The following FSHB variants were observed in gnomAD, a reference collection of about 807,000 sequenced individuals.
The protein encoded by FSHB is follicle stimulating hormone subunit beta.
Under a neutral mutation model 12.1 loss-of-function variants are expected in FSHB, and 8 were observed. The observed-to-expected ratio is 0.66, with a 90% CI of 0.39 to 1.19. The LOEUF (loss-of-function observed/expected upper bound fraction) is 1.19, where lower values mean the gene tolerates loss of function less well. Among genes scored for constraint, FSHB ranks in the 50% most tolerant of loss-of-function variants. FSHB has a pLI of 0.01. For missense variants in FSHB, 153 were observed against 157.2 expected, an observed-to-expected ratio of 0.97 and a Z score of 0.14; for synonymous variants, 55 against 54.6, an observed-to-expected ratio of 1.01 and a Z score of -0.04.
In FSHB at chr11:30,231,948, A is replaced by G; in HGVS notation, c.46A>G (p.Ile16Val). The change falls in exon 2 of 3, where the codon ATC becomes GTC. Residue 16 changes from isoleucine to valine, a missense_variant. Physicochemically the swap from Ile to Val is conservative, Grantham distance 29. Transcript: ENST00000533718. ...CTTCCTTTTCTGTTGCTGGAAAGCA[A>G]TCTGCTGCAATAGCTGTGAGCTGAC... ...FFFLFCCWKA[I>V]CCNSCELTNI... The G allele has an allele frequency of 6.2e-7, 1 of 1,613,942 alleles. No individual in the cohort carries two copies. Among genetic ancestry groups the G allele is most frequent in the African/African-American group, 1.3e-5 (1 of 75,028 alleles).
rs1405003349 is a variant in FSHB, at chr11:30,233,662, T to C, written c.252T>C (p.Cys84=). 1 of 1,614,054 alleles carries C rather than the reference T, an allele frequency of 6.2e-7. No individual in the cohort carries two copies. Among genetic ancestry groups the C allele is most frequent in the Non-Finnish European group, 8.5e-7 (1 of 1,179,966 alleles). Residue 84 remains cysteine, a synonymous_variant, in exon 3 of 3, where the codon TGT becomes TGC. Transcript: ENST00000533718. Reference sequence around the variant, plus strand: ...ACGAAACAGTGAGAGTGCCCGGCTGTGCTCACCATGCAGATTCCTTGTATA... The same window carrying C: ...ACGAAACAGTGAGAGTGCCCGGCTGCGCTCACCATGCAGATTCCTTGTATA... The part of the protein sequence containing the change: ...LVYETVRVPG[C]AHHADSLYTY...
chr11:30,231,867 T>C lies in FSHB; in HGVS notation c.-36T>C. On this transcript the variant is annotated splice_region_variant and 5_prime_UTR_variant, in exon 2 of 3. Transcript: ENST00000533718. ...GATTATCGTTCTTTGGTTTCTCAGTTTCTAGTGGGCTTCATTGTTTGCTTC... is the reference window on the plus strand; with the variant it reads ...GATTATCGTTCTTTGGTTTCTCAGTCTCTAGTGGGCTTCATTGTTTGCTTC... 1 of 1,612,562 alleles carries C rather than the reference T, an allele frequency of 6.2e-7. No individual in the cohort carries two copies. Among genetic ancestry groups the C allele is most frequent in the Non-Finnish European group, 8.5e-7 (1 of 1,178,798 alleles).
Position 30,234,993 on chromosome 11 carries a change from T to G in FSHB, c.*1193T>G, listed in dbSNP as rs769262752. ...CAGTTTCACACTCATATTGTTTAACTAATTTATTTAAATCTTATTTTTTTA... is the reference window on the plus strand; with the variant it reads ...CAGTTTCACACTCATATTGTTTAACGAATTTATTTAAATCTTATTTTTTTA... On this transcript the variant is annotated 3_prime_UTR_variant, in exon 3 of 3. Transcript: ENST00000533718. 1.2e-4 allele frequency: 18 copies of G among 152,210 alleles called. No individual in the cohort carries two copies. The highest frequency in any genetic ancestry group is 1.8e-4 in the Non-Finnish European group (12 of 68,030). The allele number at this position is 152,210 out of a possible 1,614,324, so 9.4% of individuals were successfully genotyped here.
chr11:30,232,869 C>T (rs1007907783), intron 2 of FSHB, among the ~76,000 whole-genome samples: 16 of 152,208 alleles, frequency 1.1e-4, no homozygotes, highest in African/African-American at 3.1e-4. Flanking sequence ...ATTTATTGCA[C>T]CTTCTTGGGA....
chr11:30,231,789 G>A, intron 1 of FSHB, 77 bp from the exon 2 acceptor site: 1 of 1,137,296 alleles, frequency 8.8e-7, no homozygotes, highest in Non-Finnish European at 1.3e-6. Flanking sequence ...AGCAAAATGT[G>A]ATTGAGGAGG....
Position 30,234,113 on chromosome 11 carries a change from G to T in FSHB, c.*313G>T. ...TCAGGCAATGCCTCTCTCTTAGGGG[G>T]AAACATAAGCCTAGAAGGAGGAAGC... On this transcript the variant is annotated 3_prime_UTR_variant, in exon 3 of 3. Coordinates refer to ENST00000533718, the MANE Select transcript of FSHB (RefSeq NM_001382289.1). 1 of 365,266 alleles carries T rather than the reference G, an allele frequency of 2.7e-6. No individual in the cohort carries two copies. Among genetic ancestry groups the T allele is most frequent in the South Asian group, 2.3e-5 (1 of 43,556 alleles). 22.6% of individuals were successfully genotyped at this position (365,266 alleles called of 1,614,324 possible). A position where few individuals can be genotyped will look rare whatever the true frequency, so the allele number is the denominator to read the frequency against.
intron 2 of FSHB, among the ~76,000 whole-genome samples, chr11:30,232,679 T>A (rs1259630168): frequency 6.6e-6 from 1 of 152,244 alleles, no homozygotes; most frequent in Non-Finnish European, 1.5e-5. Context: ...GTTTGCAGTT[T>A]CCTTGCATTA....
chr11:30,233,584 G>T lies in FSHB; in HGVS notation c.174G>T (p.Lys58Asn). 6.2e-7 allele frequency: 1 copy of T among 1,613,784 alleles called. No homozygotes were observed. Among genetic ancestry groups the T allele is most frequent in the African/African-American group, 1.3e-5 (1 of 75,010 alleles). Residue 58 changes from lysine (K) to asparagine (N), a missense_variant, in exon 3 of 3, where the codon AAG becomes AAT. Transcript: ENST00000533718. ...AAACTCCTCAGGATCTGGTGTATAA[G>T]GACCCAGCCAGGCCCAAAATCCAGA... The part of the protein sequence containing the change: ...GYCYTRDLVY[K>N]DPARPKIQKT...
In FSHB at chr11:30,233,646, T is replaced by C. The variant is rs1171563230; in HGVS notation, c.236T>C (p.Val79Ala). The change falls in exon 3 of 3, where the codon GTG (valine) becomes GCG (alanine). Residue 79 changes from valine (V) to alanine (A), a missense_variant. Physicochemically the swap from Val to Ala is moderately conservative, Grantham distance 64. Transcript: ENST00000533718. ...CTFKELVYET[V>A]RVPGCAHHAD... ...TTCAAGGAACTGGTATACGAAACAGTGAGAGTGCCCGGCTGTGCTCACCAT... is the reference window on the plus strand; with the variant it reads ...TTCAAGGAACTGGTATACGAAACAGCGAGAGTGCCCGGCTGTGCTCACCAT... The C allele has an allele frequency of 3.1e-6, 5 of 1,613,818 alleles. No homozygotes were observed. The highest frequency in any genetic ancestry group is 2.7e-5 in the African/African-American group (2 of 75,014).
Position 30,231,767 on chromosome 11 carries a change from A to G in FSHB, c.-37-99A>G, listed in dbSNP as rs898504883. The G allele has an allele frequency of 5.3e-6, 5 of 937,194 alleles. No homozygotes were observed. The Admixed American group carries it at 7.9e-5, about 15-fold the overall frequency. 58.1% of individuals were successfully genotyped at this position (937,194 alleles called of 1,614,324 possible). ...AAGTAAAAAGGCATAAGGAAGGAAAAAAAACTTTTGAAGCAAAATGTGATT... is the reference window on the plus strand; with the variant it reads ...AAGTAAAAAGGCATAAGGAAGGAAAGAAAACTTTTGAAGCAAAATGTGATT... On this transcript the variant is annotated intron_variant, in intron 1 of 2. Coordinates refer to ENST00000533718, the MANE Select transcript of FSHB (RefSeq NM_001382289.1).
In FSHB at chr11:30,233,128, A is replaced by T. The variant is rs530638195; in HGVS notation, c.160-442A>T. On this transcript the variant is annotated intron_variant, in intron 2 of 2. Transcript: ENST00000533718. Reference sequence around the variant, plus strand: ...TAGCCTTAGCAAACATGTTAACTTAAGCATTAAAATTTAAAATTATATATT... The same window carrying T: ...TAGCCTTAGCAAACATGTTAACTTATGCATTAAAATTTAAAATTATATATT... 6.6e-5 allele frequency among the ~76,000 whole-genome samples: 10 copies of T among 152,302 alleles called. No individual in the cohort carries two copies. In the East Asian group the frequency reaches 1.7e-3, roughly 26 times the overall value.
intron 1 of FSHB, among the ~76,000 whole-genome samples, chr11:30,231,362 C>T (rs1337097250): frequency 1.3e-5 from 2 of 152,128 alleles, no homozygotes; most frequent in East Asian, 3.9e-4. Flanking sequence ...GGAATGGTGG[C>T]TCATGCTTGT....
At position 30,233,688 on chromosome 11, in the gene FSHB, C is replaced by T; in HGVS notation, c.278C>T (p.Thr93Ile). 9 of 1,614,028 alleles carry T rather than the reference C, an allele frequency of 5.6e-6. No individual in the cohort carries two copies. The highest frequency in any genetic ancestry group is 7.6e-6 in the Non-Finnish European group (9 of 1,179,930). The change falls in exon 3 of 3, where the codon ACA becomes ATA. Residue 93 changes from threonine (T) to isoleucine (I), a missense_variant. Physicochemically the swap from Thr to Ile is moderately conservative, Grantham distance 89. Coordinates refer to ENST00000533718, the MANE Select transcript of FSHB (RefSeq NM_001382289.1). Reference sequence around the variant, plus strand: ...GCTCACCATGCAGATTCCTTGTATACATACCCAGTGGCCACCCAGTGTCAC... The same window carrying T: ...GCTCACCATGCAGATTCCTTGTATATATACCCAGTGGCCACCCAGTGTCAC... ...GCAHHADSLYTYPVATQCHCG... is the reference protein window; with the variant it reads ...GCAHHADSLYIYPVATQCHCG...
intron 2 of FSHB, among the ~76,000 whole-genome samples, chr11:30,233,239 A>C (rs1369307462): frequency 6.6e-6 from 1 of 152,180 alleles, no homozygotes; most frequent in South Asian, 2.1e-4. Context: ...GTTTGTTATT[A>C]ATACAGCTTT....
intron 1 of FSHB, 50 bp from the exon 2 acceptor site, chr11:30,231,816 T>C: frequency 1.4e-6 from 2 of 1,456,112 alleles, no homozygotes; most frequent in Non-Finnish European, 1.9e-6. Flanking sequence ...AGACCAATTA[T>C]TTTTGGTTTG....
rs34365964 is a variant in FSHB at position 30,233,722 on chromosome 11, G to T, written c.312G>T (p.Lys104Asn). 1 of 1,614,072 alleles carries T rather than the reference G, an allele frequency of 6.2e-7. No individual in the cohort carries two copies. Among genetic ancestry groups the T allele is most frequent in the Non-Finnish European group, 8.5e-7 (1 of 1,179,952 alleles). ...TGGCCACCCAGTGTCACTGTGGCAAGTGTGACAGCGACAGCACTGATTGTA... is the reference window on the plus strand; with the variant it reads ...TGGCCACCCAGTGTCACTGTGGCAATTGTGACAGCGACAGCACTGATTGTA... ...YPVATQCHCG[K>N]CDSDSTDCTV... Residue 104 changes from lysine to asparagine, a missense_variant, in exon 3 of 3, where the codon AAG becomes AAT. Coordinates refer to ENST00000533718, the MANE Select transcript of FSHB (RefSeq NM_001382289.1).
chr11:30,231,880 C>T lies in FSHB; in HGVS notation c.-23C>T. 1.2e-6 allele frequency: 2 copies of T among 1,613,564 alleles called. No individual in the cohort carries two copies. Among genetic ancestry groups the T allele is most frequent in the Non-Finnish European group, 1.7e-6 (2 of 1,179,622 alleles). On this transcript the variant is annotated 5_prime_UTR_variant, in exon 2 of 3. Transcript: ENST00000533718. ...TGGTTTCTCAGTTTCTAGTGGGCTT[C>T]ATTGTTTGCTTCCCAGACCAGGATG... is the stretch of plus-strand genomic sequence containing the variant.
At chr11:30,231,725 C>A (rs1399980170) in intron 1 of FSHB, 141 bp from the exon 2 acceptor site, 1 of 643,590 alleles carries the variant, frequency 1.6e-6, no homozygotes, top group Non-Finnish European at 2.7e-6. Flanking sequence ...AAATGTTGTT[C>A]CAAGAAACAA....
rs944749696 is a variant in FSHB at position 30,232,027 on chromosome 11, A to G, written c.125A>G (p.Asn42Ser). The G allele has an allele frequency of 6.2e-7, 1 of 1,613,948 alleles. No homozygotes were observed. Among genetic ancestry groups the G allele is most frequent in the Non-Finnish European group, 8.5e-7 (1 of 1,179,878 alleles). The change falls in exon 2 of 3, where the codon AAC (asparagine) becomes AGC (serine). Residue 42 changes from asparagine to serine, a missense_variant. Transcript: ENST00000533718. ...GAATGTCGTTTCTGCATAAGCATCA[A>G]CACCACTTGGTGTGCTGGCTACTGC... ...KEECRFCISI[N>S]TTWCAGYCYT...
Sources: gnomAD v4.1 joint callset for allele counts (sites outside exome capture counted in the v4.1 genomes callset) on GRCh38, gnomAD v4.1.1 for gene constraint, MANE v1.5 for transcripts, NCBI Gene and HGNC (gene_info 2026-07-23, HGNC 2026-07-21) for gene names.